The following DCAF6 variants were observed in gnomAD, a reference collection of about 807,000 sequenced individuals.
The protein encoded by DCAF6 is DDB1 and CUL4 associated factor 6, also known as DDB1- and CUL4-associated factor 6.
Under a neutral mutation model 125.1 loss-of-function variants are expected in DCAF6, and 54 were observed. The observed-to-expected ratio is 0.43, with a 90% CI of 0.35 to 0.54. The LOEUF is 0.54. DCAF6 is among the 20% of genes least tolerant of loss of function. The pLI is 0.01. For synonymous variants in DCAF6, 371 were observed against 390.4 expected (o/e 0.95, Z 0.58); for missense variants, 934 against 1,161.7 (o/e 0.80, Z 2.85).
chr1:168,067,226 T>C (rs555927208), intron 20 of DCAF6, among the ~76,000 whole-genome samples: 1 of 152,340 alleles, frequency 6.6e-6, no homozygotes, highest in South Asian at 2.1e-4. Flanking sequence ...ATGTATACTT[T>C]CACTCATTGA....
the DCAF6 span, among the ~76,000 whole-genome samples, chr1:167,872,999 C>A: frequency 1.1e-4 from 17 of 151,060 alleles, no homozygotes; most frequent in African/African-American, 4.1e-4. Flanking sequence ...GAACCCGGGA[C>A]GCAGAGGTTG....
chr1:168,074,011 G>C (rs1480106747), intron 21 of DCAF6, among the ~76,000 whole-genome samples: 1 of 147,572 alleles, frequency 6.8e-6, no homozygotes, highest in Non-Finnish European at 1.5e-5. Flanking sequence ...GATTTGAATA[G>C]ACCTTTATAG....
intron 18 of DCAF6, 40 bp from the exon 19 acceptor site, chr1:168,065,550 C>A: frequency 7.2e-7 from 1 of 1,389,802 alleles, no homozygotes. Flanking sequence ...GTTTTAATAA[C>A]TTTGATTTGA....
At chr1:167,872,380 A>AG in the DCAF6 span, among the ~76,000 whole-genome samples, 1 of 149,908 alleles carries the variant, frequency 6.7e-6, no homozygotes. Context: ...AAAAAAAAAA[A>AG]GCCTGCATAG....
At chr1:168,019,010 A>G (rs1353806411) in intron 11 of DCAF6, among the ~76,000 whole-genome samples, 5 of 152,052 alleles carry the variant, frequency 3.3e-5, no homozygotes, top group African/African-American at 1.2e-4. Context: ...GAAGTTACCT[A>G]CCTGAGGAGA....
chr1:167,962,009 T>C (rs998096149), intron 2 of DCAF6, among the ~76,000 whole-genome samples: 2 of 152,200 alleles, frequency 1.3e-5, no homozygotes, highest in African/African-American at 2.4e-5. Context: ...TTTCCAGTTA[T>C]CTTTCTGTTA....
At chr1:167,923,834 G>T in the DCAF6 span, among the ~76,000 whole-genome samples, 1 of 152,090 alleles carries the variant, frequency 6.6e-6, no homozygotes, top group South Asian at 2.1e-4. Context: ...CTGTGATGGG[G>T]CCTAACAAGT....
chr1:167,891,430 G>A, the DCAF6 span, among the ~76,000 whole-genome samples: 1 of 151,704 alleles, frequency 6.6e-6, no homozygotes, highest in Non-Finnish European at 1.5e-5. Context: ...GCTGAGGCGG[G>A]AAGATCACGA....
chr1:167,935,883 G>C, upstream of DCAF6: 1 of 1,448,388 alleles, frequency 6.9e-7, no homozygotes, highest in Non-Finnish European at 9.5e-7. Flanking sequence ...GAGCGTGGCT[G>C]TGTTCTCGTC....
At chr1:168,016,197 G>T (rs1263518466) in intron 11 of DCAF6, among the ~76,000 whole-genome samples, 7 of 152,080 alleles carry the variant, frequency 4.6e-5, no homozygotes, top group Non-Finnish European at 1.0e-4. Flanking sequence ...TTGGAGAGGG[G>T]CAAATATTTA....
the DCAF6 span, among the ~76,000 whole-genome samples, chr1:167,884,443 C>T: frequency 1.5e-4 from 23 of 152,140 alleles, no homozygotes; most frequent in Non-Finnish European, 2.9e-4. Flanking sequence ...TCCTACCAGT[C>T]CCCTCCACCA....
At chr1:167,894,029 T>TTGGGCAG in the DCAF6 span, 1 of 885,418 alleles carries the variant, frequency 1.1e-6, no homozygotes, top group Non-Finnish European at 1.9e-6. Flanking sequence ...CCCTATTCTC[T>TTGGGCAG]TGGGCAGTGG....
At position 167,971,233 on chromosome 1, in the gene DCAF6, T is replaced by C. The variant is rs534508460; in HGVS notation, c.253-3597T>C. On this transcript the variant is annotated intron_variant, in intron 3 of 21. Transcript: ENST00000367840. ...ATTTCTCTAACATTTCCTGGACACA[T>C]GTAGCCACTCCTTCATCTGTGTTCC... Among the ~76,000 whole-genome samples the C allele has an allele frequency of 3.9e-5, 6 of 152,338 alleles. No homozygotes were observed. The South Asian group carries it at 1.2e-3, about 32-fold the overall frequency.
the DCAF6 span, chr1:167,918,356 A>G: frequency 4.3e-5 from 66 of 1,533,236 alleles, no homozygotes; most frequent in Non-Finnish European, 5.8e-5. Flanking sequence ...GTTCTTGGTT[A>G]TATCTATAAA....
chr1:167,880,257 A>T, the DCAF6 span: 2 of 1,301,822 alleles, frequency 1.5e-6, no homozygotes, highest in Non-Finnish European at 2.2e-6. Context: ...GAAAGTGGGA[A>T]GGGTGGGAAA....
At chr1:167,866,875 C>T in the DCAF6 span, among the ~76,000 whole-genome samples, 1 of 152,094 alleles carries the variant, frequency 6.6e-6, no homozygotes, top group Non-Finnish European at 1.5e-5. Context: ...ATGGGGTTTC[C>T]AAAGGCTGGC....
At chr1:167,982,526 ATTT>A (rs1035253705) in intron 4 of DCAF6, among the ~76,000 whole-genome samples, 1 of 151,962 alleles carries the variant, frequency 6.6e-6, no homozygotes, top group Non-Finnish European at 1.5e-5. Context: ...CAGGCATGAC[ATTT>A]TTTTAAGTTC....
intron 5 of DCAF6, among the ~76,000 whole-genome samples, chr1:167,989,503 G>GTT (rs1680522568): frequency 1.3e-5 from 2 of 152,300 alleles, no homozygotes; most frequent in Non-Finnish European, 2.9e-5. Context: ...AATTATGAAA[G>GTT]GCATTTGGTT....
At chr1:168,040,993 AACAGATGAG>A (rs1280264953) in intron 13 of DCAF6, among the ~76,000 whole-genome samples, 7 of 151,628 alleles carry the variant, frequency 4.6e-5, no homozygotes, top group African/African-American at 1.5e-4. Context: ...TTTCTTTGGC[AACAGATGAG>A]GCAATAGAAC....
Sources: allele counts gnomAD v4.1 joint callset (sites outside exome capture counted in the v4.1 genomes callset), GRCh38; gene constraint gnomAD v4.1.1; transcripts MANE v1.5; gene names NCBI Gene and HGNC (gene_info 2026-07-23, HGNC 2026-07-21).